The following SUPT3H variants were observed in gnomAD, a reference collection of about 807,000 sequenced individuals.
SUPT3H encodes SPT3 homolog, SAGA and STAGA complex component.
SUPT3H carries 44 observed loss-of-function variants against 44.3 expected under a neutral mutation model. The observed-to-expected ratio is 0.99, with a 90% CI of 0.78 to 1.28. SUPT3H has a LOEUF of 1.28. Ranked by LOEUF, SUPT3H falls within the 50% of genes most tolerant of loss-of-function variation. The pLI is 0.00. For synonymous variants in SUPT3H, 124 were observed against 125.6 expected (o/e 0.99, Z 0.09); for missense variants, 380 against 387.1 (o/e 0.98, Z 0.15).
Position 45,300,998 on chromosome 6 carries a change from CA to C in SUPT3H, c.101+64202del, listed in dbSNP as rs1393330198. ...ACCAGGGAGATGTCACATATTGAGA[CA>C]AAGACAAGGCCTTATACCCTTATAT... On this transcript the variant is annotated intron_variant, in intron 2 of 10. Transcript: ENST00000371459. 1.7e-4 allele frequency among the ~76,000 whole-genome samples: 26 copies of C among 152,238 alleles called. No individual in the cohort carries two copies. The South Asian group carries it at 5.4e-3, about 32-fold the overall frequency.
At chr6:45,165,401 A>G (rs1809677085) in intron 2 of SUPT3H, among the ~76,000 whole-genome samples, 1 of 152,234 alleles carries the variant, frequency 6.6e-6, no homozygotes, top group South Asian at 2.1e-4. Flanking sequence ...TCCAGGAGTA[A>G]ACACTCTTTA....
At chr6:45,302,526 T>C (rs1451617985) in intron 2 of SUPT3H, among the ~76,000 whole-genome samples, 3 of 36,056 alleles carry the variant, frequency 8.3e-5, no homozygotes, top group Non-Finnish European at 1.1e-4. Context: ...TATATATATA[T>C]ATATATATAT....
chr6:44,940,654 G>T (rs962349409), intron 9 of SUPT3H, among the ~76,000 whole-genome samples: 13 of 152,068 alleles, frequency 8.5e-5, no homozygotes, highest in African/African-American at 3.1e-4. Flanking sequence ...CATTATTACT[G>T]TATTGCTGTC....
chr6:44,980,385 A>G (rs1347470932), intron 6 of SUPT3H, among the ~76,000 whole-genome samples: 1 of 152,176 alleles, frequency 6.6e-6, no homozygotes, highest in Admixed American at 6.6e-5. Context: ...TAACAAAATG[A>G]CAGTGAAGGA....
At chr6:45,128,627 C>G (rs1163059685) in intron 2 of SUPT3H, among the ~76,000 whole-genome samples, 1 of 141,552 alleles carries the variant, frequency 7.1e-6, no homozygotes, top group African/African-American at 2.6e-5. Context: ...CATATATATA[C>G]ACACACAATT....
At chr6:45,073,176 T>C (rs533342258) in intron 3 of SUPT3H, among the ~76,000 whole-genome samples, 2 of 152,042 alleles carry the variant, frequency 1.3e-5, no homozygotes, top group Non-Finnish European at 2.9e-5. Context: ...ATGAGCAGTG[T>C]CATTCAAACA....
At chr6:45,065,974 T>C (rs1793227606) in intron 3 of SUPT3H, among the ~76,000 whole-genome samples, 1 of 140,308 alleles carries the variant, frequency 7.1e-6, no homozygotes, top group Non-Finnish European at 1.5e-5. Flanking sequence ...GCCAGCATCA[T>C]TCTGATACCA....
At chr6:45,181,656 A>C (rs1394340970) in intron 2 of SUPT3H, among the ~76,000 whole-genome samples, 3 of 145,546 alleles carry the variant, frequency 2.1e-5, no homozygotes, top group Non-Finnish European at 4.5e-5. Context: ...CATAAGTGGG[A>C]ATTGAACAAT....
intron 4 of SUPT3H, among the ~76,000 whole-genome samples, chr6:45,015,790 C>T (rs965883131): frequency 1.9e-4 from 27 of 143,202 alleles, no homozygotes; most frequent in African/African-American, 3.0e-4. Context: ...GATGCACACA[C>T]GCGCGCGCAC....
At chr6:45,234,691 T>C (rs1348153648) in intron 2 of SUPT3H, among the ~76,000 whole-genome samples, 2 of 152,178 alleles carry the variant, frequency 1.3e-5, no homozygotes, top group African/African-American at 2.4e-5. Context: ...ACAACCCTTA[T>C]AGCATGCCAA....
chr6:45,287,121 TTAGGAGATATACC>T (rs1189586547), intron 2 of SUPT3H, among the ~76,000 whole-genome samples: 7 of 151,942 alleles, frequency 4.6e-5, no homozygotes, highest in African/African-American at 1.7e-4. Context: ...AGGGATAGCA[TTAGGAGATATACC>T]TAATGTTAAA....
chr6:45,084,021 A>G (rs900759506), intron 3 of SUPT3H, among the ~76,000 whole-genome samples: 1 of 152,218 alleles, frequency 6.6e-6, no homozygotes, highest in Non-Finnish European at 1.5e-5. Flanking sequence ...TAAATGTAAG[A>G]CCTCAAACTG....
chr6:44,842,676 A>C (rs916707971), intron 10 of SUPT3H, among the ~76,000 whole-genome samples: 4 of 152,188 alleles, frequency 2.6e-5, no homozygotes, highest in Admixed American at 6.5e-5. Context: ...TTAAAATACC[A>C]GTGATATAAG....
Position 44,827,235 on chromosome 6 carries a change from C to A in SUPT3H, c.*2581G>T, listed in dbSNP as rs1581844350. On this transcript the variant is annotated 3_prime_UTR_variant, in exon 11 of 11. Coordinates refer to ENST00000371459, the MANE Select transcript of SUPT3H (RefSeq NM_003599.4). ...AAGATAACAGACTGTTTACTTAATA[C>A]CACAGTCACACTGAAGATTTTACTA... 6.6e-6 allele frequency among the ~76,000 whole-genome samples: 1 copy of A among 152,062 alleles called. No homozygotes were observed. Among genetic ancestry groups the A allele is most frequent in the Non-Finnish European group, 1.5e-5 (1 of 67,976 alleles).
chr6:45,377,296 C>G (rs1363830553), intron 1 of SUPT3H: 1 of 152,258 alleles, frequency 6.6e-6, no homozygotes, highest in African/African-American at 2.4e-5. Context: ...CCAGGGGTCA[C>G]AGACGTGAGC....
chr6:45,009,363 G>A (rs1386490174), intron 5 of SUPT3H, among the ~76,000 whole-genome samples: 1 of 152,172 alleles, frequency 6.6e-6, no homozygotes, highest in Non-Finnish European at 1.5e-5. Context: ...TGCTTTTGGT[G>A]TCATACATTC....
intron 2 of SUPT3H, among the ~76,000 whole-genome samples, chr6:45,258,725 T>C (rs933402907): frequency 2.6e-5 from 4 of 152,144 alleles, no homozygotes; most frequent in Admixed American, 1.3e-4. Flanking sequence ...GCCTTCACTA[T>C]AGGAGCAAAG....
intron 7 of SUPT3H, among the ~76,000 whole-genome samples, chr6:44,960,769 G>C (rs1046406560): frequency 6.6e-6 from 1 of 151,900 alleles, no homozygotes; most frequent in Admixed American, 6.6e-5. Flanking sequence ...ACAGATGTAT[G>C]ATGCCAAGTT....
chr6:45,161,946 A>G (rs1208038264), intron 2 of SUPT3H, among the ~76,000 whole-genome samples: 1 of 152,134 alleles, frequency 6.6e-6, no homozygotes, highest in Non-Finnish European at 1.5e-5. Context: ...CAGTGTCTTA[A>G]ATGTAACACG....
Sources: gnomAD v4.1 joint callset for allele counts (sites outside exome capture counted in the v4.1 genomes callset) on GRCh38, gnomAD v4.1.1 for gene constraint, MANE v1.5 for transcripts, NCBI Gene and HGNC (gene_info 2026-07-23, HGNC 2026-07-21) for gene names.